The following ASB3 variants were observed in gnomAD, a reference collection of about 807,000 sequenced individuals.
The protein encoded by ASB3 is ankyrin repeat and SOCS box protein 3.
In ASB3, 41 loss-of-function variants were observed where a neutral mutation model predicts 54.5. That is an observed-to-expected ratio of 0.75 (90% CI 0.59 to 0.98). The LOEUF (loss-of-function observed/expected upper bound fraction) is 0.98. Among genes scored for constraint, ASB3 ranks in the 50% least tolerant of loss-of-function variants. The pLI, the probability that ASB3 is intolerant of heterozygous loss-of-function variation, is 0.00. For synonymous variants in ASB3, 266 were observed against 221.2 expected (o/e 1.20, Z -1.80); for missense variants, 733 against 620.0 (o/e 1.18, Z -1.94).
At chr2:53,734,728 A>G (rs563474320) in intron 3 of ASB3, among the ~76,000 whole-genome samples, 1 of 152,238 alleles carries the variant, frequency 6.6e-6, no homozygotes, top group East Asian at 1.9e-4. Context: ...CTCTGGCATT[A>G]AATTCCCCAT....
chr2:53,698,924 T>C (rs1324164744), intron 8 of ASB3, among the ~76,000 whole-genome samples: 1 of 152,250 alleles, frequency 6.6e-6, no homozygotes, highest in Admixed American at 6.5e-5. Context: ...AAGCTACTTC[T>C]ATATTCTTAG....
chr2:53,761,851 A>G (rs1374797323), intron 2 of ASB3, among the ~76,000 whole-genome samples: 2 of 152,270 alleles, frequency 1.3e-5, no homozygotes, highest in African/African-American at 4.8e-5. Context: ...AACCATGTAG[A>G]CAAAGATATA....
At chr2:53,773,681 G>A (rs573945803) in intron 1 of ASB3, among the ~76,000 whole-genome samples, 149 of 151,232 alleles carry the variant, frequency 9.9e-4, no homozygotes, top group African/African-American at 3.3e-3. Context: ...CACTCACCTC[G>A]GCCTCCCAAA....
intron 7 of ASB3, 55 bp from the exon 8 acceptor site, chr2:53,700,583 T>C: frequency 6.5e-7 from 1 of 1,548,064 alleles, no homozygotes; most frequent in Non-Finnish European, 8.7e-7. Flanking sequence ...TGACATAAGA[T>C]ACTTCTTACA....
rs78123950 is a variant in ASB3 at position 53,779,886 on chromosome 2, T to C, written c.-14+6935A>G. Reference sequence around the variant, plus strand: ...TAACACAAAAACAAATTCTGATAAATTGATTTCGTCTAAAGTTTTTCTTTT... The same window carrying C: ...TAACACAAAAACAAATTCTGATAAACTGATTTCGTCTAAAGTTTTTCTTTT... On this transcript the variant is annotated intron_variant, in intron 1 of 9. Coordinates refer to ENST00000263634, the MANE Select transcript of ASB3 (RefSeq NM_016115.5). 9.2e-3 allele frequency among the ~76,000 whole-genome samples: 1,407 copies of C among 152,342 alleles called. 25 individuals are homozygous for C. The highest frequency in any genetic ancestry group is 0.032 in the African/African-American group (1,334 of 41,582).
intron 9 of ASB3, among the ~76,000 whole-genome samples, chr2:53,692,424 A>G (rs974419367): frequency 6.6e-6 from 1 of 152,130 alleles, no homozygotes; most frequent in African/African-American, 2.4e-5. Context: ...CAAACCAGAA[A>G]ACCATTAGCT....
rs1458458898 is a variant in ASB3 at position 53,699,361 on chromosome 2, T to C, written c.1238+910A>G. Among the ~76,000 whole-genome samples, 3 of 152,216 alleles carry C rather than the reference T, an allele frequency of 2.0e-5. No individual in the cohort carries two copies. The South Asian group carries it at 6.2e-4, about 32-fold the overall frequency. On this transcript the variant is annotated intron_variant, in intron 8 of 9. Coordinates refer to ENST00000263634, the MANE Select transcript of ASB3 (RefSeq NM_016115.5). ...CCACAGCAGTAGGTATCAGACAGTT[T>C]CTATGTTTTGGTTACAGAAATAAAT...
chr2:53,685,036 A>G (rs1668561496), intron 9 of ASB3, among the ~76,000 whole-genome samples: 4 of 152,214 alleles, frequency 2.6e-5, no homozygotes, highest in Admixed American at 2.0e-4. Context: ...TGCAGTACTC[A>G]TGGTGGGACA....
chr2:53,781,843 G>C (rs1674667865), intron 1 of ASB3, among the ~76,000 whole-genome samples: 2 of 152,158 alleles, frequency 1.3e-5, no homozygotes, highest in South Asian at 4.1e-4. Flanking sequence ...TTTTAAAACA[G>C]GATTTAAAAG....
At chr2:53,700,860 T>G (rs1669452607) in intron 7 of ASB3, among the ~76,000 whole-genome samples, 1 of 152,252 alleles carries the variant, frequency 6.6e-6, no homozygotes, top group South Asian at 2.1e-4. Context: ...TACAAAATAC[T>G]TTGCTTAACA....
intron 1 of ASB3, among the ~76,000 whole-genome samples, chr2:53,771,745 A>G (rs1008946440): frequency 2.6e-5 from 4 of 152,210 alleles, no homozygotes; most frequent in Non-Finnish European, 1.5e-5. Context: ...AGGTTCTCTT[A>G]ATTCACTTAA....
intron 9 of ASB3, among the ~76,000 whole-genome samples, chr2:53,686,382 C>T (rs150870534): frequency 2.4e-3 from 368 of 152,320 alleles, no homozygotes; most frequent in African/African-American, 8.2e-3. Flanking sequence ...CTGCCCCCAA[C>T]ACCCTCCTCA....
At chr2:53,723,478 C>T (rs769433216) in intron 5 of ASB3, among the ~76,000 whole-genome samples, 1 of 152,112 alleles carries the variant, frequency 6.6e-6, no homozygotes, top group Non-Finnish European at 1.5e-5. Context: ...TTATCCCTCA[C>T]CCCCTTCCCA....
rs140129059 is a variant in ASB3, at chr2:53,684,300, T to C, written c.1369+9584A>G. 5.6e-4 allele frequency among the ~76,000 whole-genome samples: 86 copies of C among 152,352 alleles called. No individual in the cohort carries two copies. The East Asian group carries it at 0.014, about 25-fold the overall frequency. ...GTTAGAAGTTCTCAAATGGACAGAC[T>C]ATGAGAAGCTAAAGCTTCTGTCCTA... is the stretch of plus-strand genomic sequence containing the variant. On this transcript the variant is annotated intron_variant, in intron 9 of 9. Transcript: ENST00000263634.
intron 9 of ASB3, among the ~76,000 whole-genome samples, chr2:53,677,199 C>T (rs968282646): frequency 6.6e-6 from 1 of 152,182 alleles, no homozygotes; most frequent in African/African-American, 2.4e-5. Context: ...ATAGGCTATA[C>T]TATGTAGCCT....
chr2:53,783,595 T>C (rs1434698576), intron 1 of ASB3, among the ~76,000 whole-genome samples: 1 of 151,950 alleles, frequency 6.6e-6, no homozygotes, highest in Non-Finnish European at 1.5e-5. Context: ...AACAGTCTAA[T>C]AAAATCTTCC....
intron 1 of ASB3, among the ~76,000 whole-genome samples, chr2:53,777,945 G>A (rs1283966799): frequency 2.0e-5 from 3 of 152,110 alleles, no homozygotes; most frequent in East Asian, 1.9e-4. Flanking sequence ...TCAGGAGTTC[G>A]AGACCTGCCT....
intron 5 of ASB3, among the ~76,000 whole-genome samples, chr2:53,719,385 A>C (rs965477051): frequency 6.6e-6 from 1 of 152,136 alleles, no homozygotes; most frequent in Non-Finnish European, 1.5e-5. Flanking sequence ...AATTCACCTT[A>C]ATCAAAAACT....
intron 1 of ASB3, among the ~76,000 whole-genome samples, chr2:53,773,978 T>C (rs1181221391): frequency 6.6e-6 from 1 of 152,134 alleles, no homozygotes; most frequent in African/African-American, 2.4e-5. Context: ...GAGGTTGCAG[T>C]AGGCCACGAT....
Sources: allele counts gnomAD v4.1 joint callset (sites outside exome capture counted in the v4.1 genomes callset), GRCh38; gene constraint gnomAD v4.1.1; transcripts MANE v1.5; gene names NCBI Gene and HGNC (gene_info 2026-07-23, HGNC 2026-07-21).